CENPM: variants seen among roughly 807,000 people sequenced by gnomAD.
CENPM encodes interphase centromere complex protein 39.
In CENPM, 14 loss-of-function variants were observed where a neutral mutation model predicts 19.6. That is an observed-to-expected ratio of 0.71 (90% CI 0.47 to 1.11). The LOEUF (loss-of-function observed/expected upper bound fraction) is 1.11, where lower values mean the gene tolerates loss of function less well. CENPM is among the 50% of genes most tolerant of loss of function. CENPM has a pLI of 0.00. For missense variants in CENPM, 239 were observed against 228.4 expected, an observed-to-expected ratio of 1.05 and a Z score of -0.30; for synonymous variants, 114 against 101.5, an observed-to-expected ratio of 1.12 and a Z score of -0.74.
the CENPM span, among the ~76,000 whole-genome samples, chr22:41,928,542 G>C: frequency 3.3e-5 from 5 of 152,206 alleles, no homozygotes; most frequent in African/African-American, 1.2e-4. The surrounding 1 kb of genome is among the most constrained non-coding windows in gnomAD (Gnocchi z 4.0). Context: ...AAACTCAGGG[G>C]CTGGGGAGGG....
chr22:41,939,491 C>G (rs951400573), intron 5 of CENPM, among the ~76,000 whole-genome samples: 9 of 152,314 alleles, frequency 5.9e-5, no homozygotes, highest in African/African-American at 2.2e-4. Flanking sequence ...TGTCTAGGGT[C>G]ACCCAGCTAG....
the CENPM span, among the ~76,000 whole-genome samples, chr22:41,928,859 G>A: frequency 6.6e-6 from 1 of 152,020 alleles, no homozygotes; most frequent in African/African-American, 2.4e-5. The surrounding 1 kb of genome is among the most constrained non-coding windows in gnomAD (Gnocchi z 4.0). Flanking sequence ...GGTGGCCCAG[G>A]GCAGGGGATG....
downstream of CENPM, among the ~76,000 whole-genome samples, chr22:41,935,814 A>G (rs2077681247): frequency 6.6e-6 from 1 of 151,494 alleles, no homozygotes; most frequent in Non-Finnish European, 1.5e-5. Flanking sequence ...TCTGGAGCAC[A>G]CGGGCTGTCT....
At chr22:41,935,942 C>T (rs749840132), downstream of CENPM, among the ~76,000 whole-genome samples, 51 of 151,484 alleles carry the variant, frequency 3.4e-4, no homozygotes, top group Non-Finnish European at 6.2e-4. Flanking sequence ...GCAATCTCAG[C>T]TCACTGCAAC....
the CENPM span, among the ~76,000 whole-genome samples, chr22:41,932,250 C>T: frequency 6.6e-6 from 1 of 152,210 alleles, no homozygotes; most frequent in Non-Finnish European, 1.5e-5. This position sits in a 1 kb window ranked among gnomAD's most constrained non-coding sequence, Gnocchi z 4.3. Flanking sequence ...TATTTAAAAG[C>T]CCCCACAAAC....
At chr22:41,935,410 A>G (rs755433223), downstream of CENPM, among the ~76,000 whole-genome samples, 2 of 152,054 alleles carry the variant, frequency 1.3e-5, no homozygotes, top group Non-Finnish European at 2.9e-5. Context: ...GCCCCGCCAA[A>G]GACCTACTCT....
At chr22:41,945,701 G>A (rs1447851131) in intron 3 of CENPM, among the ~76,000 whole-genome samples, 1 of 152,132 alleles carries the variant, frequency 6.6e-6, no homozygotes, top group Non-Finnish European at 1.5e-5. Flanking sequence ...CTCCCAAAGT[G>A]CTGGGATTAC....
chr22:41,946,375 G>C, intron 2 of CENPM, 42 bp downstream of exon 2: 1 of 1,551,212 alleles, frequency 6.4e-7, no homozygotes, highest in African/African-American at 1.4e-5. Flanking sequence ...TCCCTCTGGA[G>C]TGAGAGACAC....
downstream of CENPM, among the ~76,000 whole-genome samples, chr22:41,938,051 C>T (rs758517581): frequency 4.2e-4 from 63 of 151,636 alleles, no homozygotes; most frequent in Non-Finnish European, 7.5e-4. Flanking sequence ...TCACTGTTAG[C>T]CAGGATGGTC....
chr22:41,943,338 C>T (rs2077759954), intron 5 of CENPM, among the ~76,000 whole-genome samples: 1 of 152,160 alleles, frequency 6.6e-6, no homozygotes, highest in African/African-American at 2.4e-5. Flanking sequence ...GCAGCACGTG[C>T]TAGAGCCTGG....
Position 41,946,003 on chromosome 22 carries a change from T to C in CENPM, c.140A>G (p.His47Arg). The change falls in exon 3 of 6, where the codon CAC becomes CGC. Residue 47 changes from histidine (H) to arginine (R), a missense_variant and splice_region_variant. His to Arg is a conservative substitution (Grantham distance 29, BLOSUM62 0). Transcript: ENST00000215980. ...GGGCAAAGGGAGGGACTTTGCCAAGTGGCTGAAAAACAGGAAATTGCAGGA... is the reference window on the plus strand; with the variant it reads ...GGGCAAAGGGAGGGACTTTGCCAAGCGGCTGAAAAACAGGAAATTGCAGGA... Reference protein sequence around the residue: ...KEDCASELKVHLAKSLPLPSS... With the variant: ...KEDCASELKVRLAKSLPLPSS... 1 of 1,613,496 alleles carries C rather than the reference T, an allele frequency of 6.2e-7. No homozygotes were observed. Among genetic ancestry groups the C allele is most frequent in the Admixed American group, 1.7e-5 (1 of 59,898 alleles).
At position 41,939,082 on chromosome 22, in the gene CENPM, CAG is replaced by C; in HGVS notation, c.515_516del (p.Ser172Ter). 2 of 1,613,052 alleles carry C rather than the reference CAG, an allele frequency of 1.2e-6. No homozygotes were observed. Among genetic ancestry groups the C allele is most frequent in the Non-Finnish European group, 1.7e-6 (2 of 1,179,974 alleles). ...CACAGGTCCTCCAGGGAGGGGCCCT[CAG>C]AGCTTCTCAGCAGGGACAGCAGGTT... ...ALNLLSLLRS[S>X]EGPSLEDL On this transcript the variant is annotated frameshift_variant, in exon 6 of 6. Coordinates refer to ENST00000215980, the MANE Select transcript of CENPM (RefSeq NM_024053.5). LOFTEE classifies it high-confidence loss of function.
At chr22:41,932,787 C>T in the CENPM span, among the ~76,000 whole-genome samples, 2 of 152,204 alleles carry the variant, frequency 1.3e-5, no homozygotes, top group African/African-American at 4.8e-5. The surrounding 1 kb of genome is among the most constrained non-coding windows in gnomAD (Gnocchi z 4.3). Flanking sequence ...CCCCCAGGGC[C>T]AACCTCCCAG....
chr22:41,931,352 G>A, the CENPM span, among the ~76,000 whole-genome samples: 25 of 151,474 alleles, frequency 1.7e-4, no homozygotes, highest in African/African-American at 5.3e-4. Context: ...CGTAGCTGGC[G>A]CCTGTAATCC....
the CENPM span, among the ~76,000 whole-genome samples, chr22:41,931,082 C>T: frequency 2.6e-5 from 4 of 151,740 alleles, no homozygotes; most frequent in Admixed American, 6.6e-5. Context: ...GCGACCTGCG[C>T]GCCTCGGCCT....
chr22:41,939,586 C>G (rs1417453517), intron 5 of CENPM, among the ~76,000 whole-genome samples: 1 of 151,796 alleles, frequency 6.6e-6, no homozygotes, highest in African/African-American at 2.4e-5. Context: ...GACCAGGGAG[C>G]AGAAGATACA....
chr22:41,941,156 G>A (rs950420595), intron 5 of CENPM, among the ~76,000 whole-genome samples: 7 of 152,178 alleles, frequency 4.6e-5, no homozygotes, highest in African/African-American at 1.7e-4. Context: ...TTATTTCACT[G>A]GGCCAATCAC....
the CENPM span, among the ~76,000 whole-genome samples, chr22:41,931,754 T>C: frequency 6.7e-4 from 102 of 151,632 alleles, 3 homozygotes; most frequent in East Asian, 0.018. Context: ...AGGGACGGGG[T>C]TGGGGAAAGT....
chr22:41,946,504 G>A lies in CENPM; in HGVS notation c.58-8C>T. 1 of 1,612,422 alleles carries A rather than the reference G, an allele frequency of 6.2e-7. No homozygotes were observed. Among genetic ancestry groups the A allele is most frequent in the Non-Finnish European group, 8.5e-7 (1 of 1,179,504 alleles). ...ATCCTCCGTGCCCACCAGCTGCGCA[G>A]GGAGAGAGAGCGGACAGTCGAGCCC... On this transcript the variant is annotated splice_polypyrimidine_tract_variant and splice_region_variant and intron_variant, in intron 1 of 5. Transcript: ENST00000215980.
Sources: allele counts gnomAD v4.1 joint callset (sites outside exome capture counted in the v4.1 genomes callset), GRCh38; gene constraint gnomAD v4.1.1; non-coding constraint Gnocchi (gnomAD v3.1); transcripts MANE v1.5; gene names NCBI Gene and HGNC (gene_info 2026-07-23, HGNC 2026-07-21).